OSBPL9: variants seen among roughly 807,000 people sequenced by gnomAD.
OSBPL9 encodes the protein oxysterol binding protein like 9, also known as oxysterol-binding protein-related protein 9.
OSBPL9 carries 40 observed loss-of-function variants against 106.6 expected under a neutral mutation model. The ratio of observed to expected loss-of-function variants is 0.38; its 90% confidence interval spans 0.29 to 0.49. The LOEUF (loss-of-function observed/expected upper bound fraction) is 0.49, where lower values mean the gene tolerates loss of function less well. Among genes scored for constraint, OSBPL9 ranks in the 20% least tolerant of loss-of-function variants. OSBPL9 has a pLI of 0.97. For missense variants in OSBPL9, 609 were observed against 887.2 expected (o/e 0.69, Z 3.98); for synonymous variants, 269 against 295.4 (o/e 0.91, Z 0.92).
the OSBPL9 span, among the ~76,000 whole-genome samples, chr1:51,547,113 C>T: frequency 6.6e-6 from 1 of 152,318 alleles, no homozygotes; most frequent in African/African-American, 2.4e-5. Context: ...ATTCAGAACT[C>T]ATACACTCTA....
chr1:51,680,943 T>G (rs1043261898), intron 3 of OSBPL9, among the ~76,000 whole-genome samples: 11 of 152,314 alleles, frequency 7.2e-5, no homozygotes, highest in Non-Finnish European at 1.5e-4. Context: ...TATTATAATT[T>G]TAAAGGCATG....
intron 3 of OSBPL9, among the ~76,000 whole-genome samples, chr1:51,682,400 G>A (rs1652761528): frequency 6.6e-6 from 1 of 152,114 alleles, no homozygotes; most frequent in African/African-American, 2.4e-5. Flanking sequence ...CTCATTCACT[G>A]TAGCATTATT....
chr1:51,582,727 A>G (rs114402629), intron 1 of OSBPL9: 6,006 of 152,282 alleles, frequency 0.039, 169 homozygotes, highest in Non-Finnish European at 0.062. Context: ...AACAAAATCA[A>G]TCCCTTCCTG....
chr1:51,696,935 T>C (rs978509135), intron 3 of OSBPL9, among the ~76,000 whole-genome samples: 2 of 151,952 alleles, frequency 1.3e-5, no homozygotes, highest in African/African-American at 4.8e-5. Context: ...GAGGATCCCT[T>C]GAGGCCAAGA....
chr1:51,736,363 A>C (rs144152810), intron 4 of OSBPL9, among the ~76,000 whole-genome samples: 9 of 152,322 alleles, frequency 5.9e-5, no homozygotes, highest in African/African-American at 2.2e-4. Context: ...GATAAATGTC[A>C]GAACAATTGT....
intron 1 of OSBPL9, among the ~76,000 whole-genome samples, chr1:51,634,718 G>T (rs1267703131): frequency 1.3e-5 from 2 of 152,136 alleles, no homozygotes; most frequent in East Asian, 3.9e-4. Flanking sequence ...GTATTAGTCT[G>T]TTCTCACGCC....
At chr1:51,541,779 CAGT>C in the OSBPL9 span, among the ~76,000 whole-genome samples, 38 of 152,312 alleles carry the variant, frequency 2.5e-4, no homozygotes, top group African/African-American at 8.7e-4. Context: ...CTGGGCTTCC[CAGT>C]AGTTGCTCTC....
intron 1 of OSBPL9, among the ~76,000 whole-genome samples, chr1:51,629,354 G>C (rs1323320115): frequency 2.6e-5 from 4 of 152,148 alleles, no homozygotes; most frequent in African/African-American, 9.7e-5. Flanking sequence ...CTAGAGCAGT[G>C]CCTGGCACTT....
At chr1:51,784,181 C>A (rs1196807410) in intron 18 of OSBPL9, 83 bp from the exon 19 acceptor site, 3 of 1,475,532 alleles carry the variant, frequency 2.0e-6, no homozygotes, top group African/African-American at 1.4e-5. Context: ...AATGGAGTAT[C>A]CTGGAGTAAC....
At chr1:51,552,239 TTC>T in the OSBPL9 span, among the ~76,000 whole-genome samples, 2 of 152,290 alleles carry the variant, frequency 1.3e-5, no homozygotes, top group South Asian at 4.1e-4. Flanking sequence ...AGGTAGAAAC[TTC>T]TCTGTTTTAT....
chr1:51,714,146 GTT>G lies in OSBPL9; in HGVS notation c.318+78_318+79del, dbSNP rs56708609. 2.6e-4 allele frequency: 249 copies of G among 943,402 alleles called. 1 individual carries two copies. The highest frequency in any genetic ancestry group is 1.3e-3 in the African/African-American group (74 of 55,794). The allele number at this position is 943,402 out of a possible 1,614,324, so 58.4% of individuals were successfully genotyped here. A position where few individuals can be genotyped will look rare whatever the true frequency, so the allele number is the denominator to read the frequency against. On this transcript the variant is annotated intron_variant, in intron 4 of 23. Transcript: ENST00000428468. ...TGCTTTCTTTTTTTGTCTGTTTTCTGTTTTTTTTTTTTAAATAACTGTGGTAT... is the reference window on the plus strand; with the variant it reads ...TGCTTTCTTTTTTTGTCTGTTTTCTGTTTTTTTTTTAAATAACTGTGGTAT...
chr1:51,553,128 G>A, the OSBPL9 span, among the ~76,000 whole-genome samples: 1 of 152,138 alleles, frequency 6.6e-6, no homozygotes, highest in Admixed American at 6.5e-5. Context: ...AGGGTCATGA[G>A]GCCATTGCCC....
the OSBPL9 span, among the ~76,000 whole-genome samples, chr1:51,546,254 C>T: frequency 6.6e-6 from 1 of 151,964 alleles, no homozygotes; most frequent in African/African-American, 2.4e-5. Context: ...TGAGCGCAAG[C>T]GATCTGCCTG....
Position 51,760,786 on chromosome 1 carries a change from T to C in OSBPL9, c.673+6T>C. 6.2e-7 allele frequency: 1 copy of C among 1,613,584 alleles called. No homozygotes were observed. Among genetic ancestry groups the C allele is most frequent in the Non-Finnish European group, 8.5e-7 (1 of 1,179,674 alleles). On this transcript the variant is annotated splice_donor_region_variant and intron_variant, in intron 10 of 23. Transcript: ENST00000428468. ...CCAGACTGTGTTACCTCCAGGTAAT[T>C]TGGGAAAATGTTTCTTAGATTCATT...
chr1:51,648,996 A>T (rs892343049), intron 1 of OSBPL9, among the ~76,000 whole-genome samples: 14 of 152,140 alleles, frequency 9.2e-5, no homozygotes, highest in Admixed American at 7.9e-4. Flanking sequence ...AACCTTTAGT[A>T]GCTCCCCATT....
chr1:51,602,600 A>T (rs530747445), intron 2 of OSBPL9, among the ~76,000 whole-genome samples: 24 of 150,222 alleles, frequency 1.6e-4, no homozygotes, highest in East Asian at 3.9e-4. Flanking sequence ...TTAAAAAAAA[A>T]TTTTTTTTTG....
intron 15 of OSBPL9, among the ~76,000 whole-genome samples, chr1:51,779,527 A>G (rs891668250): frequency 1.3e-5 from 2 of 152,244 alleles, no homozygotes; most frequent in African/African-American, 4.8e-5. Flanking sequence ...AGTGAATGCA[A>G]CAAAGATAAA....
At chr1:51,656,181 T>C (rs889149507) in intron 2 of OSBPL9, among the ~76,000 whole-genome samples, 6 of 152,232 alleles carry the variant, frequency 3.9e-5, no homozygotes, top group Non-Finnish European at 7.3e-5. Context: ...ACTCTGACAT[T>C]GGGCACATTT....
chr1:51,747,850 C>T lies in OSBPL9; in HGVS notation c.463-519C>T, dbSNP rs555660757. Among the ~76,000 whole-genome samples, 6 of 152,144 alleles carry T rather than the reference C, an allele frequency of 3.9e-5. No individual in the cohort carries two copies. The East Asian group carries it at 1.2e-3, about 29-fold the overall frequency. On this transcript the variant is annotated intron_variant, in intron 6 of 23. Transcript: ENST00000428468. ...TGTCGCCCAGGCTGGAGTGCAGTGG[C>T]GTGATCTCGGCTCACTGCAAGCTCT...
Sources: gnomAD v4.1 joint callset for allele counts (sites outside exome capture counted in the v4.1 genomes callset) on GRCh38, gnomAD v4.1.1 for gene constraint, MANE v1.5 for transcripts, NCBI Gene and HGNC (gene_info 2026-07-23, HGNC 2026-07-21) for gene names.